The following FAM193A variants were observed in gnomAD, a reference collection of about 807,000 sequenced individuals.
FAM193A encodes family with sequence similarity 193 member A, also known as protein FAM193A.
A neutral mutation model predicts 126.5 loss-of-function variants in FAM193A; 22 were observed. The ratio of observed to expected loss-of-function variants is 0.17; its 90% CI spans 0.12 to 0.25. The LOEUF (loss-of-function observed/expected upper bound fraction) is 0.25, where lower values mean the gene tolerates loss of function less well. Ranked by LOEUF, FAM193A falls within the 10% of genes least tolerant of loss-of-function variation. FAM193A has a pLI of 1.00. For synonymous variants in FAM193A, 761 were observed against 646.8 expected, an observed-to-expected ratio of 1.18 and a Z score of -2.68; for missense variants, 1,675 against 1,672.8, an observed-to-expected ratio of 1.00 and a Z score of -0.02.
chr4:2,601,688 A>C (rs1741206772), intron 2 of FAM193A, among the ~76,000 whole-genome samples: 1 of 151,774 alleles, frequency 6.6e-6, no homozygotes, highest in African/African-American at 2.4e-5. Flanking sequence ...CAGGAGTTCA[A>C]GACCAACCTG....
At chr4:2,605,174 GTAATTTC>G (rs1741461051) in intron 2 of FAM193A, among the ~76,000 whole-genome samples, 1 of 151,946 alleles carries the variant, frequency 6.6e-6, no homozygotes, top group African/African-American at 2.4e-5. Flanking sequence ...TATATGTGGG[GTAATTTC>G]TGCTACCATG....
intron 2 of FAM193A, among the ~76,000 whole-genome samples, chr4:2,598,866 C>A (rs553763008): frequency 9.2e-5 from 14 of 152,210 alleles, no homozygotes; most frequent in African/African-American, 3.1e-4. Context: ...ATGGTGGCAT[C>A]TTCTCAGTTC....
intron 1 of FAM193A, among the ~76,000 whole-genome samples, chr4:2,566,214 A>ATTT (rs1457353171): frequency 2.6e-5 from 4 of 151,960 alleles, no homozygotes; most frequent in Non-Finnish European, 4.4e-5. Flanking sequence ...CGCCCGGCTA[A>ATTT]TTTTTTGTAT....
intron 7 of FAM193A, chr4:2,654,860 TA>T (rs1193885255): frequency 7.0e-6 from 3 of 429,782 alleles, no homozygotes; most frequent in Non-Finnish European, 1.3e-5. Context: ...AATGTGTGTT[TA>T]AAGCATTCAT....
intron 2 of FAM193A, among the ~76,000 whole-genome samples, chr4:2,619,785 G>A (rs903458319): frequency 1.9e-4 from 29 of 152,032 alleles, no homozygotes; most frequent in African/African-American, 6.8e-4. Flanking sequence ...CCCCTTCCTC[G>A]GTTCAAACAA....
chr4:2,595,650 G>C (rs61790220), intron 1 of FAM193A, among the ~76,000 whole-genome samples: 102,862 of 152,088 alleles, frequency 0.68, 36,251 homozygotes, highest in African/African-American at 0.88. Context: ...TTGGACAGCC[G>C]ACCTCAAAGA....
chr4:2,606,068 T>TTA (rs1741531546), intron 2 of FAM193A, among the ~76,000 whole-genome samples: 1 of 134,972 alleles, frequency 7.4e-6, no homozygotes. Context: ...TTTTTTTTTT[T>TTA]GAGACAGTGT....
intron 7 of FAM193A, 61 bp downstream of exon 7, chr4:2,646,893 A>G: frequency 6.6e-7 from 1 of 1,517,708 alleles, no homozygotes; most frequent in African/African-American, 1.4e-5. Flanking sequence ...TGTTGAAGGC[A>G]GCACCAAGTC....
At chr4:2,548,539 C>T (rs1737709185) in intron 1 of FAM193A, among the ~76,000 whole-genome samples, 1 of 152,034 alleles carries the variant, frequency 6.6e-6, no homozygotes, top group South Asian at 2.1e-4. Flanking sequence ...TCACTGCAGC[C>T]TCCGCCTCCC....
chr4:2,588,720 C>T (rs1445285623), intron 1 of FAM193A, among the ~76,000 whole-genome samples: 1 of 152,142 alleles, frequency 6.6e-6, no homozygotes, highest in Non-Finnish European at 1.5e-5. Flanking sequence ...TTATTTTTCT[C>T]TCTGGTCATT....
intron 7 of FAM193A, among the ~76,000 whole-genome samples, chr4:2,653,865 C>T (rs984540845): frequency 2.6e-5 from 4 of 152,132 alleles, no homozygotes; most frequent in African/African-American, 9.7e-5. Context: ...ATTCTGGAAC[C>T]ATGTATGCAT....
intron 2 of FAM193A, among the ~76,000 whole-genome samples, chr4:2,606,045 CTTTTTTTTTTT>C (rs1170025017): frequency 6.6e-5 from 4 of 61,004 alleles, no homozygotes; most frequent in African/African-American, 1.4e-4. Context: ...TTGCAAACCT[CTTTTTTTTTTT>C]TTTTTTTTTT....
At chr4:2,603,620 CTAAT>C (rs1741353153) in intron 2 of FAM193A, among the ~76,000 whole-genome samples, 1 of 150,848 alleles carries the variant, frequency 6.6e-6, no homozygotes, top group Non-Finnish European at 1.5e-5. Context: ...CCACGCCTGA[CTAAT>C]TTTTTTTTGT....
At chr4:2,567,130 A>G (rs1487574323) in intron 1 of FAM193A, among the ~76,000 whole-genome samples, 1 of 130,470 alleles carries the variant, frequency 7.7e-6, no homozygotes. Context: ...TTGTATTTTT[A>G]GTAGAGACGG....
intron 19 of FAM193A, among the ~76,000 whole-genome samples, chr4:2,703,990 G>A (rs1195002464): frequency 2.7e-5 from 4 of 150,282 alleles, no homozygotes; most frequent in Admixed American, 1.3e-4. Context: ...TAAAGCAGCC[G>A]GGCATGGTGG....
chr4:2,665,126 C>T (rs1036680438), intron 12 of FAM193A, among the ~76,000 whole-genome samples: 9 of 152,182 alleles, frequency 5.9e-5, no homozygotes, highest in Admixed American at 6.5e-5. Flanking sequence ...CTTTATCTTT[C>T]CATTTATTTA....
rs137861532 is a variant in FAM193A, at chr4:2,570,438, A to G, written c.256-25646A>G. On this transcript the variant is annotated intron_variant, in intron 1 of 20. Coordinates refer to ENST00000637812, the MANE Select transcript of FAM193A (RefSeq NM_001366318.2). ...GCAGTGAGCTTTGGTGACATGGCTC[A>G]GGAGATACTGAAATAAACCAAATCT... 6.5e-3 allele frequency among the ~76,000 whole-genome samples: 994 copies of G among 152,316 alleles called. 16 individuals carry two copies. Among genetic ancestry groups the G allele is most frequent in the African/African-American group, 0.023 (954 of 41,572 alleles).
intron 13 of FAM193A, among the ~76,000 whole-genome samples, chr4:2,689,284 G>A (rs1716091810): frequency 6.6e-6 from 1 of 152,164 alleles, no homozygotes; most frequent in Non-Finnish European, 1.5e-5. Context: ...TCAAGGCATC[G>A]GTTGCTTTTC....
intron 13 of FAM193A, among the ~76,000 whole-genome samples, chr4:2,680,011 C>G (rs1714917076): frequency 6.6e-6 from 1 of 152,164 alleles, no homozygotes; most frequent in Admixed American, 6.5e-5. Context: ...CAGGCACATG[C>G]CACCACACCC....
Sources: allele counts gnomAD v4.1 joint callset (sites outside exome capture counted in the v4.1 genomes callset), GRCh38; gene constraint gnomAD v4.1.1; transcripts MANE v1.5; gene names NCBI Gene and HGNC (gene_info 2026-07-23, HGNC 2026-07-21).